Variants in LAMA2 observed in about 807,000 individuals in gnomAD.
LAMA2 encodes laminin subunit alpha 2.
A neutral mutation model predicts 364.8 loss-of-function variants in LAMA2; 269 were observed. The observed-to-expected ratio is 0.74, with a 90% CI of 0.67 to 0.82. The LOEUF is 0.82. Ranked by LOEUF, LAMA2 falls within the 40% of genes least tolerant of loss-of-function variation. The pLI, the probability that LAMA2 is intolerant of heterozygous loss-of-function variation, is 0.00. For synonymous variants in LAMA2, 1,379 were observed against 1,370.6 expected (o/e 1.01, Z -0.14); for missense variants, 3,807 against 3,873.2 (o/e 0.98, Z 0.45).
At chr6:129,098,893 G>T (rs1367691197) in intron 4 of LAMA2, among the ~76,000 whole-genome samples, 4 of 152,200 alleles carry the variant, frequency 2.6e-5, no homozygotes, top group African/African-American at 9.7e-5. Context: ...CTACAGTGGG[G>T]TTTCTTCCCT....
intron 3 of LAMA2, among the ~76,000 whole-genome samples, chr6:129,079,844 G>C (rs909909736): frequency 7.2e-5 from 11 of 151,934 alleles, no homozygotes; most frequent in African/African-American, 2.4e-4. Flanking sequence ...GTACCTATAA[G>C]TACATATAAA....
intron 34 of LAMA2, among the ~76,000 whole-genome samples, chr6:129,376,502 C>A (rs990568195): frequency 1.3e-5 from 2 of 152,202 alleles, no homozygotes; most frequent in Non-Finnish European, 2.9e-5. Context: ...GCAGTGCTTA[C>A]AAACTCTTCC....
At chr6:129,246,326 T>G (rs1208535723) in intron 12 of LAMA2, among the ~76,000 whole-genome samples, 1 of 152,224 alleles carries the variant, frequency 6.6e-6, no homozygotes, top group Non-Finnish European at 1.5e-5. Flanking sequence ...CTCAAAATGT[T>G]GAGAACATTC....
chr6:129,027,731 G>A (rs1476069960), intron 1 of LAMA2, among the ~76,000 whole-genome samples: 1 of 151,842 alleles, frequency 6.6e-6, no homozygotes, highest in African/African-American at 2.4e-5. Flanking sequence ...ATTTAGGAAA[G>A]CAATTGAACA....
At chr6:129,493,029 C>A (rs1323286758) in intron 58 of LAMA2, among the ~76,000 whole-genome samples, 4 of 152,098 alleles carry the variant, frequency 2.6e-5, no homozygotes, top group Non-Finnish European at 5.9e-5. Flanking sequence ...GCGGTGTGCA[C>A]CTGTAGTCCC....
intron 14 of LAMA2, among the ~76,000 whole-genome samples, chr6:129,252,822 A>C (rs770897701): frequency 1.3e-5 from 2 of 152,200 alleles, no homozygotes; most frequent in Non-Finnish European, 2.9e-5. Flanking sequence ...AAGAATATGA[A>C]CTTTGGAGCC....
At chr6:129,112,197 A>C (rs1294933815) in intron 4 of LAMA2, among the ~76,000 whole-genome samples, 1 of 152,032 alleles carries the variant, frequency 6.6e-6, no homozygotes, top group Non-Finnish European at 1.5e-5. Flanking sequence ...AGATTATGTC[A>C]AGGGAAAAAA....
intron 1 of LAMA2, among the ~76,000 whole-genome samples, chr6:128,934,629 G>A (rs1392499261): frequency 6.6e-6 from 1 of 152,010 alleles, no homozygotes; most frequent in African/African-American, 2.4e-5. Context: ...AGCCTCCTGA[G>A]TAGCTGAGAT....
chr6:129,111,253 T>G (rs1776141847), intron 4 of LAMA2, among the ~76,000 whole-genome samples: 2 of 151,998 alleles, frequency 1.3e-5, no homozygotes, highest in Admixed American at 1.3e-4. Context: ...ATATTTTCAT[T>G]GGAAAAATGT....
intron 18 of LAMA2, among the ~76,000 whole-genome samples, chr6:129,281,186 A>G (rs1389787250): frequency 6.6e-6 from 1 of 152,188 alleles, no homozygotes; most frequent in South Asian, 2.1e-4. Flanking sequence ...TTTATTTGCA[A>G]TCAAGAAACT....
chr6:129,459,573 T>C (rs1192833689), intron 48 of LAMA2, among the ~76,000 whole-genome samples: 2 of 152,102 alleles, frequency 1.3e-5, no homozygotes, highest in African/African-American at 4.8e-5. Flanking sequence ...TTTTTCTTTA[T>C]TCCCTTGAAC....
chr6:129,011,981 C>T (rs73588868), intron 1 of LAMA2, among the ~76,000 whole-genome samples: 4,068 of 152,054 alleles, frequency 0.027, 172 homozygotes, highest in African/African-American at 0.094. Context: ...AAGAGAAAAA[C>T]GAGGCACTGG....
At chr6:129,338,659 T>G (rs1343438599) in intron 29 of LAMA2, among the ~76,000 whole-genome samples, 1 of 152,202 alleles carries the variant, frequency 6.6e-6, no homozygotes, top group Non-Finnish European at 1.5e-5. Context: ...CATTCATTCA[T>G]TCAGTCATTC....
intron 39 of LAMA2, among the ~76,000 whole-genome samples, chr6:129,402,902 T>G (rs1780057255): frequency 1.3e-5 from 2 of 152,360 alleles, no homozygotes; most frequent in African/African-American, 4.8e-5. Context: ...TTTGAAAATT[T>G]GGCCCCATAC....
chr6:129,323,395 A>G (rs1440656641), intron 28 of LAMA2, among the ~76,000 whole-genome samples: 1 of 152,202 alleles, frequency 6.6e-6, no homozygotes, highest in Non-Finnish European at 1.5e-5. Context: ...ATTAAGTATC[A>G]GTTACTGCTA....
intron 28 of LAMA2, among the ~76,000 whole-genome samples, chr6:129,321,875 A>G (rs1197287983): frequency 6.6e-6 from 1 of 152,202 alleles, no homozygotes; most frequent in Non-Finnish European, 1.5e-5. Context: ...GGGACATGGC[A>G]TCATGAAAAG....
chr6:129,172,961 G>T lies in LAMA2; in HGVS notation c.1307-4745G>T, dbSNP rs1299718027. 2.6e-5 allele frequency among the ~76,000 whole-genome samples: 4 copies of T among 152,060 alleles called. 1 individual carries two copies. The highest frequency in any genetic ancestry group is 4.1e-4 in the South Asian group (2 of 4,820). On this transcript the variant is annotated intron_variant, in intron 9 of 64. Transcript: ENST00000421865. ...CAGGTGCCGTCCGTCACCCCTTTCTGTGACTCGGAAAGGGAACTCCCTGAC... is the reference window on the plus strand; with the variant it reads ...CAGGTGCCGTCCGTCACCCCTTTCTTTGACTCGGAAAGGGAACTCCCTGAC...
At chr6:128,978,298 T>C (rs1782655329) in intron 1 of LAMA2, among the ~76,000 whole-genome samples, 1 of 152,108 alleles carries the variant, frequency 6.6e-6, no homozygotes. Flanking sequence ...AATTTTTTTT[T>C]CTGACCACCT....
At chr6:129,475,470 G>T (rs1323515997) in intron 53 of LAMA2, 69 bp downstream of exon 53, 19 of 1,164,178 alleles carry the variant, frequency 1.6e-5, no homozygotes, top group Non-Finnish European at 2.3e-5. Context: ...CTTAGATAAA[G>T]CAGCCGTGCA....
Sources: gnomAD v4.1 joint callset for allele counts (sites outside exome capture counted in the v4.1 genomes callset) on GRCh38, gnomAD v4.1.1 for gene constraint, MANE v1.5 for transcripts, NCBI Gene and HGNC (gene_info 2026-07-23, HGNC 2026-07-21) for gene names.